Variants in ZNF551 observed in about 807,000 individuals in gnomAD.
ZNF551 encodes the protein zinc finger protein 551.
A neutral mutation model predicts 7.9 loss-of-function variants in ZNF551; 5 were observed. The observed-to-expected ratio is 0.63, with a 90% confidence interval of 0.33 to 1.33. ZNF551 has a LOEUF of 1.33. Among genes scored for constraint, ZNF551 ranks in the 40% most tolerant of loss-of-function variants. ZNF551 has a pLI of 0.05. For missense variants in ZNF551, 788 were observed against 825.2 expected (o/e 0.95, Z 0.55); for synonymous variants, 287 against 277.3 (o/e 1.03, Z -0.35).
chr19:57,686,459 A>G (rs766498131), intron 2 of ZNF551, 22 bp from the exon 3 acceptor site: 23 of 1,593,768 alleles, frequency 1.4e-5, no homozygotes, highest in South Asian at 3.3e-5. Context: ...CATGCATTTC[A>G]TCAGCATTTC....
chr19:57,682,115 C>T lies in ZNF551; in HGVS notation c.-49C>T, dbSNP rs1717604713. ...AAGTGGGCCAGAGGTTCTGCGACACCACCTCGGGTGAGCTGCGCCAGGCCC... is the reference window on the plus strand; with the variant it reads ...AAGTGGGCCAGAGGTTCTGCGACACTACCTCGGGTGAGCTGCGCCAGGCCC... On this transcript the variant is annotated 5_prime_UTR_variant, in exon 1 of 3. Coordinates refer to ENST00000282296, the MANE Select transcript of ZNF551 (RefSeq NM_138347.5). The T allele has an allele frequency of 6.6e-7, 1 of 1,524,408 alleles. No homozygotes were observed. 94.4% of individuals were successfully genotyped at this position (1,524,408 alleles called of 1,614,324 possible).
rs1464351809 is a variant in ZNF551 at position 57,686,982 on chromosome 19, A to G, written c.707A>G (p.His236Arg). The G allele has an allele frequency of 3.1e-6, 5 of 1,614,224 alleles. No individual in the cohort carries two copies. Among genetic ancestry groups the G allele is most frequent in the Non-Finnish European group, 4.2e-6 (5 of 1,180,036 alleles). ...GEYRKASSHK[H>R]TLVQHQSVCS... ...TACAGAAAAGCTTCAAGCCACAAAC[A>G]CACACTTGTTCAGCATCAGAGTGTC... Residue 236 changes from histidine (H) to arginine (R), a missense_variant, in exon 3 of 3, where the codon CAC (histidine) becomes CGC (arginine). Physicochemically the swap from His to Arg is conservative, Grantham distance 29. Coordinates refer to ENST00000282296, the MANE Select transcript of ZNF551 (RefSeq NM_138347.5).
At position 57,682,022 on chromosome 19, in the gene ZNF551, C is replaced by T. The variant is rs890162585; in HGVS notation, c.-142C>T. ...CGTGGCGGTCATTTTGGCCTCTGTC[C>T]TGTTTGTCCAGCCCGCCAGTTTCTG... On this transcript the variant is annotated 5_prime_UTR_variant, in exon 1 of 3. Coordinates refer to ENST00000282296, the MANE Select transcript of ZNF551 (RefSeq NM_138347.5). 1.4e-5 allele frequency: 12 copies of T among 875,394 alleles called. No homozygotes were observed. Among genetic ancestry groups the T allele is most frequent in the South Asian group, 3.4e-5 (2 of 58,498 alleles). The allele number at this position is 875,394 out of a possible 1,614,324, so 54.2% of individuals were successfully genotyped here.
intron 2 of ZNF551, among the ~76,000 whole-genome samples, chr19:57,686,012 T>C (rs1272682079): frequency 2.0e-5 from 3 of 152,256 alleles, no homozygotes; most frequent in African/African-American, 7.2e-5. Context: ...ACCTCCACCC[T>C]CGTGGTCTCA....
intron 2 of ZNF551, among the ~76,000 whole-genome samples, chr19:57,685,700 C>G (rs1984533273): frequency 6.6e-6 from 1 of 151,622 alleles, no homozygotes; most frequent in Admixed American, 6.5e-5. Flanking sequence ...CTTGTCCTCT[C>G]TTTCCTTAAG....
intron 2 of ZNF551, among the ~76,000 whole-genome samples, chr19:57,686,080 T>A (rs980431849): frequency 9.9e-5 from 15 of 152,244 alleles, no homozygotes; most frequent in African/African-American, 3.4e-4. Flanking sequence ...CAGTCTTGAC[T>A]CACTGTGTTG....
chr19:57,684,670 CAG>C (rs547717704), intron 1 of ZNF551, among the ~76,000 whole-genome samples: 1 of 152,144 alleles, frequency 6.6e-6, no homozygotes, highest in African/African-American at 2.4e-5. Context: ...GGAGGATGAA[CAG>C]GGGATAGATG....
chr19:57,688,414 T>C lies in ZNF551; in HGVS notation c.*126T>C. On this transcript the variant is annotated 3_prime_UTR_variant, in exon 3 of 3. Coordinates refer to ENST00000282296, the MANE Select transcript of ZNF551 (RefSeq NM_138347.5). ...GTATTCTTCATAAGTTTCAGGTATG[T>C]GGGAAGCTCTGAGGAGGTTCATTGT... 1 of 1,316,364 alleles carries C rather than the reference T, an allele frequency of 7.6e-7. No individual in the cohort carries two copies. The highest frequency in any genetic ancestry group is 1.0e-6 in the Non-Finnish European group (1 of 967,642). The allele number at this position is 1,316,364 out of a possible 1,614,324, so 81.5% of individuals were successfully genotyped here. A position where few individuals can be genotyped will look rare whatever the true frequency, so the allele number is the denominator to read the frequency against.
rs1462858405 is a variant in ZNF551, at chr19:57,690,185, A to G, written c.*1897A>G. On this transcript the variant is annotated 3_prime_UTR_variant, in exon 3 of 3. Coordinates refer to ENST00000282296, the MANE Select transcript of ZNF551 (RefSeq NM_138347.5). ...AACTGACATGCAACAAAGTACACGTATCCAAAGTGTACAGTTTGGTAAAGC... is the reference window on the plus strand; with the variant it reads ...AACTGACATGCAACAAAGTACACGTGTCCAAAGTGTACAGTTTGGTAAAGC... The G allele has an allele frequency of 6.6e-6, 1 of 152,222 alleles. No individual in the cohort carries two copies. Among genetic ancestry groups the G allele is most frequent in the Non-Finnish European group, 1.5e-5 (1 of 68,032 alleles). The allele number at this position is 152,222 out of a possible 1,614,324, so 9.4% of individuals were successfully genotyped here. A position where few individuals can be genotyped will look rare whatever the true frequency, so the allele number is the denominator to read the frequency against.
rs927448341 is a variant in ZNF551 at position 57,690,423 on chromosome 19, G to GTA, written c.*2144_*2145dup. On this transcript the variant is annotated 3_prime_UTR_variant, in exon 3 of 3. Coordinates refer to ENST00000282296, the MANE Select transcript of ZNF551 (RefSeq NM_138347.5). ...CACACGTATACGCATATACGTATAC[G>GTA]TATATATATACATATGTGTTTATAT... The GTA allele has an allele frequency of 3.4e-5, 5 of 149,232 alleles. No individual in the cohort carries two copies. The highest frequency in any genetic ancestry group is 5.0e-5 in the African/African-American group (2 of 40,358). 9.2% of individuals were successfully genotyped at this position (149,232 alleles called of 1,614,324 possible). A position where few individuals can be genotyped will look rare whatever the true frequency, so the allele number is the denominator to read the frequency against.
chr19:57,688,494 G>C lies in ZNF551; in HGVS notation c.*206G>C. 1.5e-6 allele frequency: 1 copy of C among 688,630 alleles called. No individual in the cohort carries two copies. Among genetic ancestry groups the C allele is most frequent in the South Asian group, 2.1e-5 (1 of 47,350 alleles). The allele number at this position is 688,630 out of a possible 1,614,324, so 42.7% of individuals were successfully genotyped here. ...GATTTATGTCACTGCCAATTTCTGA[G>C]GCTGAAGCCATTTCACATTTCACCC... On this transcript the variant is annotated 3_prime_UTR_variant, in exon 3 of 3. Coordinates refer to ENST00000282296, the MANE Select transcript of ZNF551 (RefSeq NM_138347.5).
At position 57,689,139 on chromosome 19, in the gene ZNF551, C is replaced by CA. The variant is rs1416354845; in HGVS notation, c.*852dup. The CA allele has an allele frequency of 5.3e-5, 8 of 152,210 alleles. No individual in the cohort carries two copies. The highest frequency in any genetic ancestry group is 1.4e-4 in the African/African-American group (6 of 41,454). 9.4% of individuals were successfully genotyped at this position (152,210 alleles called of 1,614,324 possible). A position where few individuals can be genotyped will look rare whatever the true frequency, so the allele number is the denominator to read the frequency against. On this transcript the variant is annotated 3_prime_UTR_variant, in exon 3 of 3. Coordinates refer to ENST00000282296, the MANE Select transcript of ZNF551 (RefSeq NM_138347.5). ...GTCAGAGGTCACCATGAAAAGGAGGCAGTTGTGACAATCCCCAGTGCTTCT... is the reference window on the plus strand; with the variant it reads ...GTCAGAGGTCACCATGAAAAGGAGGCAAGTTGTGACAATCCCCAGTGCTTCT...
At chr19:57,684,936 G>A (rs558290312) in intron 1 of ZNF551, among the ~76,000 whole-genome samples, 5 of 152,276 alleles carry the variant, frequency 3.3e-5, no homozygotes, top group South Asian at 2.1e-4. Context: ...GGGACTTCAC[G>A]GGTATTGCCT....
chr19:57,684,555 CTGT>C (rs1568455024), intron 1 of ZNF551, among the ~76,000 whole-genome samples: 1 of 152,044 alleles, frequency 6.6e-6, no homozygotes, highest in Non-Finnish European at 1.5e-5. Context: ...GCCCACCTGC[CTGT>C]TGTTGCTGTG....
Position 57,687,733 on chromosome 19 carries a change from C to G in ZNF551, c.1458C>G (p.Arg486=). Residue 486 remains arginine, a synonymous_variant, in exon 3 of 3, where the codon CGC becomes CGG. Coordinates refer to ENST00000282296, the MANE Select transcript of ZNF551 (RefSeq NM_138347.5). ...ECSECEKSFS[R]KFILIQHQRV... ...GTGAATGTGAGAAATCCTTTAGCCGCAAATTTATCCTGATTCAACACCAAA... is the reference window on the plus strand; with the variant it reads ...GTGAATGTGAGAAATCCTTTAGCCGGAAATTTATCCTGATTCAACACCAAA... The G allele has an allele frequency of 1.2e-6, 2 of 1,613,846 alleles. No individual in the cohort carries two copies. Among genetic ancestry groups the G allele is most frequent in the Non-Finnish European group, 1.7e-6 (2 of 1,179,936 alleles).
rs1420199294 is a variant in ZNF551 at position 57,689,303 on chromosome 19, G to A, written c.*1015G>A. ...TCAGTGTAGACTGGTGCCATTTGTT[G>A]TCAGACTATAGGTGTGGAGGTGAAA... On this transcript the variant is annotated 3_prime_UTR_variant, in exon 3 of 3. Coordinates refer to ENST00000282296, the MANE Select transcript of ZNF551 (RefSeq NM_138347.5). The A allele has an allele frequency of 6.6e-6, 1 of 152,174 alleles. No homozygotes were observed. The highest frequency in any genetic ancestry group is 1.5e-5 in the Non-Finnish European group (1 of 68,020). 9.4% of individuals were successfully genotyped at this position (152,174 alleles called of 1,614,324 possible).
At position 57,687,100 on chromosome 19, in the gene ZNF551, A is replaced by G; in HGVS notation, c.825A>G (p.Gly275=). Residue 275 remains glycine (G), a synonymous_variant, in exon 3 of 3, where the codon GGA becomes GGG. Transcript: ENST00000282296. ...TTCAGCACCAGCAAATTCACACTGG[A>G]CAAAAGATGTTTGAGTGTAGTGAAT... ...TLVQHQQIHT[G]QKMFECSECE... is the part of the protein sequence containing the mutation. 1 of 1,614,248 alleles carries G rather than the reference A, an allele frequency of 6.2e-7. No individual in the cohort carries two copies. Among genetic ancestry groups the G allele is most frequent in the Non-Finnish European group, 8.5e-7 (1 of 1,180,050 alleles).
Position 57,685,290 on chromosome 19 carries a change from A to AT in ZNF551, c.113dup (p.Ser39LeufsTer9). Reference sequence around the variant, plus strand: ...ATGACCTTTGAGGATGTGGCCATTTATTTCTCCCAAGAAGAGTGGGAGCTC... The same window carrying AT: ...ATGACCTTTGAGGATGTGGCCATTTATTTTCTCCCAAGAAGAGTGGGAGCTC... On this transcript the variant is annotated frameshift_variant, in exon 2 of 3. Transcript: ENST00000282296. LOFTEE classifies it high-confidence loss of function. The AT allele has an allele frequency of 1.2e-6, 2 of 1,613,976 alleles. No homozygotes were observed. The highest frequency in any genetic ancestry group is 1.7e-6 in the Non-Finnish European group (2 of 1,179,954).
In ZNF551 at chr19:57,686,515, T is replaced by C. The variant is rs768370741; in HGVS notation, c.240T>C (p.Ala80=). The C allele has an allele frequency of 6.2e-7, 1 of 1,613,624 alleles. No individual in the cohort carries two copies. Among genetic ancestry groups the C allele is most frequent in the South Asian group, 1.1e-5 (1 of 91,082 alleles). Residue 80 remains alanine (A), a synonymous_variant, in exon 3 of 3, where the codon GCT becomes GCC. Coordinates refer to ENST00000282296, the MANE Select transcript of ZNF551 (RefSeq NM_138347.5). Reference sequence around the variant, plus strand: ...ATGGAATGGAGAATGAGGCGATAGCTTCTGAGCAGAGTGTATCTATACAGG... The same window carrying C: ...ATGGAATGGAGAATGAGGCGATAGCCTCTGAGCAGAGTGTATCTATACAGG... The part of the protein sequence containing the change: ...YCHGMENEAI[A]SEQSVSIQVR...
Sources: gnomAD v4.1 joint callset for allele counts (sites outside exome capture counted in the v4.1 genomes callset) on GRCh38, gnomAD v4.1.1 for gene constraint, MANE v1.5 for transcripts, NCBI Gene and HGNC (gene_info 2026-07-23, HGNC 2026-07-21) for gene names.